The following ATP8A2 variants were observed in gnomAD, a reference collection of about 807,000 sequenced individuals.
ATP8A2 encodes ATPase phospholipid transporting 8A2.
In ATP8A2, 100 loss-of-function variants were observed where a neutral mutation model predicts 165.6. The observed-to-expected ratio is 0.60, with a 90% CI of 0.51 to 0.71. The LOEUF (loss-of-function observed/expected upper bound fraction) is 0.71, where lower values mean the gene tolerates loss of function less well. Among genes scored for constraint, ATP8A2 ranks in the 30% least tolerant of loss-of-function variants. The pLI, the probability that ATP8A2 is intolerant of heterozygous loss-of-function variation, is 0.00. For synonymous variants in ATP8A2, 543 were observed against 548.8 expected (o/e 0.99, Z 0.15); for missense variants, 1,227 against 1,479.5 (o/e 0.83, Z 2.80).
At chr13:25,857,816 C>T (rs1206678204) in intron 30 of ATP8A2, among the ~76,000 whole-genome samples, 1 of 152,016 alleles carries the variant, frequency 6.6e-6, no homozygotes, top group Non-Finnish European at 1.5e-5. Context: ...GGTGATCCAC[C>T]CACCTTGGCC....
chr13:25,848,970 TC>T, intron 30 of ATP8A2, among the ~76,000 whole-genome samples: 1 of 151,312 alleles, frequency 6.6e-6, no homozygotes. Flanking sequence ...GGGGTGCGCT[TC>T]CTCTGAGCCA....
intron 27 of ATP8A2, among the ~76,000 whole-genome samples, chr13:25,797,785 G>T (rs543035212): frequency 2.2e-4 from 33 of 152,206 alleles, no homozygotes; most frequent in East Asian, 9.7e-4. Context: ...ACTCATAATG[G>T]CACTTTTTTT....
chr13:25,917,972 G>T (rs1187956900), intron 33 of ATP8A2, among the ~76,000 whole-genome samples: 1 of 152,018 alleles, frequency 6.6e-6, no homozygotes, highest in Non-Finnish European at 1.5e-5. Context: ...TTGAATATTG[G>T]AAGCCCCAAA....
intron 1 of ATP8A2, among the ~76,000 whole-genome samples, chr13:25,402,529 C>T (rs2033670104): frequency 6.6e-6 from 1 of 152,184 alleles, no homozygotes; most frequent in South Asian, 2.1e-4. Context: ...TGGGTCAGCA[C>T]CAAATCAAAC....
chr13:25,880,341 C>T (rs923766888), intron 33 of ATP8A2, among the ~76,000 whole-genome samples: 7 of 138,032 alleles, frequency 5.1e-5, no homozygotes, highest in Non-Finnish European at 1.1e-4. Context: ...AGTGTAATTT[C>T]TTTGTTTTCA....
At chr13:25,475,566 G>A (rs1402659899) in intron 2 of ATP8A2, among the ~76,000 whole-genome samples, 3 of 152,264 alleles carry the variant, frequency 2.0e-5, no homozygotes, top group East Asian at 1.9e-4. Flanking sequence ...GTGGTAGTTC[G>A]GTTATTAGCT....
intron 35 of ATP8A2, among the ~76,000 whole-genome samples, chr13:25,970,797 T>C (rs1437387479): frequency 6.6e-6 from 1 of 152,216 alleles, no homozygotes; most frequent in Non-Finnish European, 1.5e-5. Flanking sequence ...GCTGTCAGCC[T>C]TGAAAGAGTG....
chr13:25,633,304 A>G (rs986060740), intron 24 of ATP8A2, among the ~76,000 whole-genome samples: 1 of 152,182 alleles, frequency 6.6e-6, no homozygotes, highest in Admixed American at 6.5e-5. Context: ...CCCTACATGC[A>G]GTGCTCGGCA....
intron 24 of ATP8A2, among the ~76,000 whole-genome samples, chr13:25,671,397 G>GATA (rs2042259648): frequency 6.6e-6 from 1 of 152,190 alleles, no homozygotes; most frequent in Admixed American, 6.5e-5. Flanking sequence ...GAATAAGAGA[G>GATA]ATAACCTTAA....
At chr13:25,997,256 C>T (rs1273948934) in intron 35 of ATP8A2, among the ~76,000 whole-genome samples, 1 of 152,216 alleles carries the variant, frequency 6.6e-6, no homozygotes, top group Non-Finnish European at 1.5e-5. Flanking sequence ...GTTCTTTCAG[C>T]ACCTGAAAAA....
chr13:25,546,901 G>A (rs889247476), intron 10 of ATP8A2, among the ~76,000 whole-genome samples: 4 of 152,018 alleles, frequency 2.6e-5, no homozygotes, highest in Non-Finnish European at 4.4e-5. Context: ...AGGCTGAGGC[G>A]GGTGGATCAC....
chr13:25,417,474 A>G (rs1377892313), intron 1 of ATP8A2, among the ~76,000 whole-genome samples: 3 of 82,504 alleles, frequency 3.6e-5, no homozygotes, highest in Non-Finnish European at 7.8e-5. Flanking sequence ...CTGTAAGTCT[A>G]TTCATTTATG....
At chr13:25,427,208 C>T (rs76479115) in intron 1 of ATP8A2, among the ~76,000 whole-genome samples, 3,331 of 152,094 alleles carry the variant, frequency 0.022, 125 homozygotes, top group African/African-American at 0.075. Flanking sequence ...GCCTGAGCTC[C>T]GCCTCCTGTC....
intron 10 of ATP8A2, among the ~76,000 whole-genome samples, chr13:25,549,345 A>T (rs1339077142): frequency 6.6e-6 from 1 of 151,844 alleles, no homozygotes; most frequent in East Asian, 1.9e-4. Context: ...TTGTAATCCC[A>T]GCTACTTGGG....
chr13:25,818,834 A>G (rs1593395902), intron 27 of ATP8A2, among the ~76,000 whole-genome samples: 2 of 152,204 alleles, frequency 1.3e-5, no homozygotes, highest in African/African-American at 2.4e-5. Context: ...ATTGAGTGGA[A>G]TCAATATAAT....
At chr13:25,386,768 C>G (rs556275760) in intron 1 of ATP8A2, among the ~76,000 whole-genome samples, 1 of 152,032 alleles carries the variant, frequency 6.6e-6, no homozygotes, top group Non-Finnish European at 1.5e-5. Context: ...GAGGCTGAGG[C>G]GGGCGGATCA....
intron 13 of ATP8A2, 126 bp downstream of exon 13, chr13:25,555,194 G>A: frequency 1.5e-6 from 1 of 672,200 alleles, no homozygotes; most frequent in Non-Finnish European, 2.6e-6. Context: ...AACATCTGAA[G>A]AGCTATATAA....
At chr13:25,430,573 G>T (rs1329315225) in intron 1 of ATP8A2, among the ~76,000 whole-genome samples, 1 of 152,102 alleles carries the variant, frequency 6.6e-6, no homozygotes, top group African/African-American at 2.4e-5. Context: ...AGAGGCAAAT[G>T]AGGGGATAGG....
At chr13:25,712,835 A>G (rs1300889885) in intron 25 of ATP8A2, among the ~76,000 whole-genome samples, 2 of 152,076 alleles carry the variant, frequency 1.3e-5, no homozygotes, top group Non-Finnish European at 2.9e-5. Context: ...GAATTGCTTG[A>G]GTAAGAGATA....
Sources: gnomAD v4.1 joint callset for allele counts (sites outside exome capture counted in the v4.1 genomes callset) on GRCh38, gnomAD v4.1.1 for gene constraint, MANE v1.5 for transcripts, NCBI Gene and HGNC (gene_info 2026-07-23, HGNC 2026-07-21) for gene names.